Variants in CD2AP observed in about 807,000 individuals in gnomAD.
The protein encoded by CD2AP is CD2-associated protein.
Under a neutral mutation model 85.1 loss-of-function variants are expected in CD2AP, and 46 were observed. The observed-to-expected ratio is 0.54, with a 90% CI of 0.43 to 0.69. The LOEUF is 0.69. CD2AP is among the 30% of genes least tolerant of loss of function. The probability of loss-of-function intolerance (pLI) is 0.00; values close to 1 mark genes in which losing one functional copy is unlikely to be tolerated. For missense variants in CD2AP, 769 were observed against 729.5 expected (o/e 1.05, Z -0.62); for synonymous variants, 255 against 252.9 (o/e 1.01, Z -0.08).
intron 5 of CD2AP, among the ~76,000 whole-genome samples, chr6:47,561,724 C>G (rs1767866359): frequency 2.0e-5 from 3 of 152,150 alleles, no homozygotes; most frequent in Non-Finnish European, 2.9e-5. Context: ...TATTTCTAAG[C>G]CCATTGACCA....
At chr6:47,527,896 G>A (rs1267908271) in intron 2 of CD2AP, among the ~76,000 whole-genome samples, 2 of 152,086 alleles carry the variant, frequency 1.3e-5, no homozygotes, top group African/African-American at 2.4e-5. Context: ...AAATCAAGTC[G>A]TCGTCTTTAC....
chr6:47,513,667 T>G (rs764983051), intron 2 of CD2AP, among the ~76,000 whole-genome samples: 15 of 152,160 alleles, frequency 9.9e-5, no homozygotes, highest in Non-Finnish European at 2.2e-4. Context: ...ATTACATATT[T>G]TTTGGATATT....
At chr6:47,592,977 G>A (rs1214584787) in intron 11 of CD2AP, among the ~76,000 whole-genome samples, 3 of 152,110 alleles carry the variant, frequency 2.0e-5, no homozygotes, top group Non-Finnish European at 4.4e-5. Flanking sequence ...TCAGAAGTAC[G>A]AGAGGACAGG....
chr6:47,529,863 G>A (rs943911947), intron 2 of CD2AP, among the ~76,000 whole-genome samples: 4 of 152,132 alleles, frequency 2.6e-5, no homozygotes, highest in East Asian at 3.9e-4. Context: ...CCGTCTGCTC[G>A]CCTTGCTATT....
At position 47,586,221 on chromosome 6, in the gene CD2AP, A is replaced by G. The variant is rs182237295; in HGVS notation, c.1108+4156A>G. Among the ~76,000 whole-genome samples the G allele has an allele frequency of 1.8e-3, 269 of 152,362 alleles. 6 individuals carry two copies. The highest frequency in any genetic ancestry group is 7.2e-4 in the Non-Finnish European group (49 of 68,038). On this transcript the variant is annotated intron_variant, in intron 11 of 17. Coordinates refer to ENST00000359314, the MANE Select transcript of CD2AP (RefSeq NM_012120.3). ...CATTACAGTGCAAAAACTGGAAAAT[A>G]TAAGAAAGACCCAAATTGAACCTTT... is the stretch of plus-strand genomic sequence containing the variant.
At chr6:47,604,004 T>C (rs1056168421) in intron 13 of CD2AP, among the ~76,000 whole-genome samples, 1 of 152,260 alleles carries the variant, frequency 6.6e-6, no homozygotes, top group African/African-American at 2.4e-5. Flanking sequence ...TGGAAAAGTT[T>C]CCTGATTCGT....
chr6:47,563,969 T>G (rs1767927605), intron 5 of CD2AP, among the ~76,000 whole-genome samples: 1 of 152,190 alleles, frequency 6.6e-6, no homozygotes. Context: ...TCAGTTTTCT[T>G]TAATGGAGAT....
chr6:47,600,015 A>G (rs920302279), intron 13 of CD2AP, among the ~76,000 whole-genome samples: 5 of 151,850 alleles, frequency 3.3e-5, no homozygotes, highest in African/African-American at 1.2e-4. Context: ...AAAATGTAAA[A>G]CTTGAAACGG....
intron 8 of CD2AP, among the ~76,000 whole-genome samples, chr6:47,577,793 G>T (rs960682336): frequency 6.6e-6 from 1 of 151,858 alleles, no homozygotes; most frequent in Non-Finnish European, 1.5e-5. Context: ...GTCCAGGCTG[G>T]TCTCAAACTC....
In CD2AP at chr6:47,478,325, TG is replaced by T. The variant is rs969368611; in HGVS notation, c.4+81del. ...GAGGCTGTGCCCTTTCTCGGCCTTC[TG>T]GGGAGGCGACTGCGGTCAGCCCCTG... On this transcript the variant is annotated intron_variant, in intron 1 of 17. Coordinates refer to ENST00000359314, the MANE Select transcript of CD2AP (RefSeq NM_012120.3). 10 of 1,524,768 alleles carry T rather than the reference TG, an allele frequency of 6.6e-6. No homozygotes were observed. The African/African-American group carries it at 1.2e-4, about 19-fold the overall frequency. 94.5% of individuals were successfully genotyped at this position (1,524,768 alleles called of 1,614,324 possible).
At chr6:47,563,579 A>T (rs1233024239) in intron 5 of CD2AP, among the ~76,000 whole-genome samples, 1 of 152,176 alleles carries the variant, frequency 6.6e-6, no homozygotes, top group East Asian at 1.9e-4. Flanking sequence ...AAGGAGGGGC[A>T]CCAAACATTT....
chr6:47,593,924 G>T (rs1202135342), intron 11 of CD2AP, among the ~76,000 whole-genome samples: 1 of 151,974 alleles, frequency 6.6e-6, no homozygotes, highest in African/African-American at 2.4e-5. Flanking sequence ...TTTTATATAT[G>T]TGTGTGTGTA....
chr6:47,487,672 A>G (rs1395880136), intron 1 of CD2AP, among the ~76,000 whole-genome samples: 1 of 151,452 alleles, frequency 6.6e-6, no homozygotes, highest in Admixed American at 6.6e-5. Flanking sequence ...CCTGGGTGAC[A>G]GAGCGAGACT....
chr6:47,481,912 A>G (rs968628520), intron 1 of CD2AP, among the ~76,000 whole-genome samples: 3 of 152,062 alleles, frequency 2.0e-5, no homozygotes, highest in Non-Finnish European at 4.4e-5. Context: ...GGTGCACACT[A>G]CCACCTCTGG....
At chr6:47,539,560 G>T (rs1236972579) in intron 3 of CD2AP, among the ~76,000 whole-genome samples, 1 of 152,136 alleles carries the variant, frequency 6.6e-6, no homozygotes, top group Non-Finnish European at 1.5e-5. Context: ...CTTAGAAGTG[G>T]GCATAATATT....
chr6:47,577,332 A>G (rs1768341153), intron 8 of CD2AP, among the ~76,000 whole-genome samples: 1 of 152,076 alleles, frequency 6.6e-6, no homozygotes, highest in Non-Finnish European at 1.5e-5. Context: ...CATATTGGGA[A>G]TTATTGTTAA....
chr6:47,591,370 C>A (rs1055322519), intron 11 of CD2AP, among the ~76,000 whole-genome samples: 2 of 151,998 alleles, frequency 1.3e-5, no homozygotes, highest in Admixed American at 6.6e-5. Context: ...TTTATACTTA[C>A]CATTTCTGAA....
At chr6:47,491,416 G>A (rs1765731559) in intron 1 of CD2AP, among the ~76,000 whole-genome samples, 1 of 151,624 alleles carries the variant, frequency 6.6e-6, no homozygotes, top group African/African-American at 2.4e-5. Context: ...ATATATTTTT[G>A]TTAATTTTTG....
chr6:47,578,745 C>T (rs756358015), intron 8 of CD2AP, among the ~76,000 whole-genome samples: 18 of 149,380 alleles, frequency 1.2e-4, no homozygotes, highest in Non-Finnish European at 2.5e-4. Flanking sequence ...CAGCCTCTGC[C>T]TCCCGAGTTC....
Sources: allele counts gnomAD v4.1 joint callset (sites outside exome capture counted in the v4.1 genomes callset), GRCh38; gene constraint gnomAD v4.1.1; transcripts MANE v1.5; gene names NCBI Gene and HGNC (gene_info 2026-07-23, HGNC 2026-07-21).